The following FHIT variants were observed in gnomAD, a reference collection of about 807,000 sequenced individuals.
The protein encoded by FHIT is fragile histidine triad diadenosine triphosphatase, also known as bis(5'-adenosyl)-triphosphatase.
A neutral mutation model predicts 17.9 loss-of-function variants in FHIT; 19 were observed. That is an observed-to-expected ratio of 1.06 (90% CI 0.74 to 1.56). FHIT has a LOEUF of 1.56. Ranked by LOEUF, FHIT falls within the 40% of genes most tolerant of loss-of-function variation. FHIT has a pLI of 0.00. For synonymous variants in FHIT, 81 were observed against 69.7 expected, an observed-to-expected ratio of 1.16 and a Z score of -0.81; for missense variants, 248 against 189.2, an observed-to-expected ratio of 1.31 and a Z score of -1.82.
intron 4 of FHIT, among the ~76,000 whole-genome samples, chr3:60,774,055 G>A (rs782802059): frequency 6.6e-5 from 10 of 152,134 alleles, no homozygotes; most frequent in Non-Finnish European, 1.3e-4. Flanking sequence ...TACGAAAATG[G>A]CAAAATTATC....
At chr3:60,977,360 C>T (rs9827752) in intron 3 of FHIT, among the ~76,000 whole-genome samples, 2,726 of 152,214 alleles carry the variant, frequency 0.018, 71 homozygotes, top group African/African-American at 0.062. Flanking sequence ...GCGGTTTCCT[C>T]AAATTTGTCC....
At chr3:60,361,835 G>C (rs1036656470) in intron 5 of FHIT, among the ~76,000 whole-genome samples, 1 of 152,124 alleles carries the variant, frequency 6.6e-6, no homozygotes, top group African/African-American at 2.4e-5. Flanking sequence ...ATCTTTTTGA[G>C]GGAAGTGAGC....
At chr3:60,441,725 T>TATATAC (rs2030831845) in intron 5 of FHIT, among the ~76,000 whole-genome samples, 1 of 95,082 alleles carries the variant, frequency 1.1e-5, no homozygotes, top group Non-Finnish European at 2.1e-5. Flanking sequence ...TATATATATT[T>TATATAC]GTATTTATAT....
rs186003594 is a variant in FHIT at position 60,744,082 on chromosome 3, T to A, written c.-18+77837A>T. Among the ~76,000 whole-genome samples the A allele has an allele frequency of 5.1e-3, 778 of 152,020 alleles. 4 individuals are homozygous for A. The highest frequency in any genetic ancestry group is 9.2e-3 in the Non-Finnish European group (626 of 67,952). The stretch of plus-strand genomic sequence containing the variant: ...ATTTGTTTTGGCCTTAAACCAAATC[T>A]GCCTAGAGACACAGAGCGATGCTCT... On this transcript the variant is annotated intron_variant, in intron 4 of 9. Transcript: ENST00000492590.
intron 4 of FHIT, among the ~76,000 whole-genome samples, chr3:60,639,139 G>C (rs1433904027): frequency 6.7e-6 from 1 of 150,316 alleles, no homozygotes; most frequent in African/African-American, 2.5e-5. Context: ...TGTGTCCTAA[G>C]GGCATTTGCG....
At chr3:60,729,879 G>A (rs1417666964) in intron 4 of FHIT, among the ~76,000 whole-genome samples, 7 of 152,072 alleles carry the variant, frequency 4.6e-5, no homozygotes, top group African/African-American at 1.4e-4. Flanking sequence ...TTTTCACTAT[G>A]ACTTTCCTAA....
intron 5 of FHIT, among the ~76,000 whole-genome samples, chr3:60,284,403 G>C (rs1055008319): frequency 6.6e-6 from 1 of 152,064 alleles, no homozygotes; most frequent in African/African-American, 2.4e-5. Flanking sequence ...GAGAACTGAA[G>C]TTATTAACAG....
chr3:60,243,413 A>G (rs1479811742), intron 5 of FHIT, among the ~76,000 whole-genome samples: 1 of 152,126 alleles, frequency 6.6e-6, no homozygotes, highest in Non-Finnish European at 1.5e-5. Flanking sequence ...ACTACTGACA[A>G]ATTAGTATTG....
At chr3:60,947,155 A>G (rs1553775939) in intron 3 of FHIT, among the ~76,000 whole-genome samples, 1 of 152,168 alleles carries the variant, frequency 6.6e-6, no homozygotes, top group African/African-American at 2.4e-5. Context: ...AGAGGTGAGG[A>G]GCATCTAATA....
chr3:60,731,690 C>T (rs1379315617), intron 4 of FHIT, among the ~76,000 whole-genome samples: 1 of 152,160 alleles, frequency 6.6e-6, no homozygotes, highest in African/African-American at 2.4e-5. Context: ...CCCACGCACC[C>T]ACCTCCTGAG....
intron 5 of FHIT, among the ~76,000 whole-genome samples, chr3:60,427,193 G>C (rs546306714): frequency 1.3e-5 from 2 of 152,208 alleles, no homozygotes; most frequent in South Asian, 4.2e-4. Context: ...CAAGTTGTGA[G>C]AGGGCTTCAA....
At chr3:60,930,960 G>A (rs1293513026) in intron 3 of FHIT, among the ~76,000 whole-genome samples, 12 of 152,198 alleles carry the variant, frequency 7.9e-5, no homozygotes, top group East Asian at 1.9e-4. Context: ...ACTTGGAACC[G>A]ACCCAAATGT....
chr3:60,699,383 T>C (rs1350836744), intron 4 of FHIT, among the ~76,000 whole-genome samples: 1 of 152,184 alleles, frequency 6.6e-6, no homozygotes, highest in Non-Finnish European at 1.5e-5. Context: ...TACTGTATAA[T>C]ACTGAGAAAT....
At chr3:60,111,977 G>A (rs1704693215) in intron 5 of FHIT, among the ~76,000 whole-genome samples, 1 of 152,094 alleles carries the variant, frequency 6.6e-6, no homozygotes, top group African/African-American at 2.4e-5. Context: ...GCTTACTATT[G>A]CAAGATGTAG....
chr3:60,211,666 G>A (rs1412864799), intron 5 of FHIT, among the ~76,000 whole-genome samples: 1 of 152,110 alleles, frequency 6.6e-6, no homozygotes, highest in Non-Finnish European at 1.5e-5. Flanking sequence ...AGACTCTTGT[G>A]CATGTACTGT....
At chr3:61,103,772 C>T (rs2035907339) in intron 2 of FHIT, among the ~76,000 whole-genome samples, 1 of 152,076 alleles carries the variant, frequency 6.6e-6, no homozygotes, top group Non-Finnish European at 1.5e-5. Flanking sequence ...GGAGAGTTAG[C>T]TCTTCTTGTT....
At chr3:60,762,808 A>C (rs1699704338) in intron 4 of FHIT, among the ~76,000 whole-genome samples, 1 of 152,184 alleles carries the variant, frequency 6.6e-6, no homozygotes. Flanking sequence ...CCCCCAGGGA[A>C]GAGGGAATTT....
intron 5 of FHIT, among the ~76,000 whole-genome samples, chr3:60,343,626 T>A (rs941005635): frequency 1.8e-4 from 28 of 152,204 alleles, no homozygotes; most frequent in African/African-American, 6.8e-4. Context: ...GAAACCTAAT[T>A]AATAATGTTT....
intron 5 of FHIT, among the ~76,000 whole-genome samples, chr3:60,338,077 TA>T (rs1035409730): frequency 1.3e-5 from 2 of 152,280 alleles, no homozygotes; most frequent in African/African-American, 4.8e-5. Flanking sequence ...AGAAGTGTCA[TA>T]CCTGAGATGC....
Sources: gnomAD v4.1 joint callset for allele counts (sites outside exome capture counted in the v4.1 genomes callset) on GRCh38, gnomAD v4.1.1 for gene constraint, MANE v1.5 for transcripts, NCBI Gene and HGNC (gene_info 2026-07-23, HGNC 2026-07-21) for gene names.